The following SRPK1 variants were observed in gnomAD, a reference collection of about 807,000 sequenced individuals.
SRPK1 encodes SFRS protein kinase 1.
Under a neutral mutation model 89.5 loss-of-function variants are expected in SRPK1, and 52 were observed. That is an observed-to-expected ratio of 0.58 (90% CI 0.46 to 0.73). The LOEUF is 0.73. SRPK1 is among the 30% of genes least tolerant of loss of function. The pLI is 0.00. For missense variants in SRPK1, 603 were observed against 780.6 expected (o/e 0.77, Z 2.71); for synonymous variants, 255 against 270.2 (o/e 0.94, Z 0.55).
chr6:35,839,883 T>C (rs560687842), intron 14 of SRPK1, among the ~76,000 whole-genome samples: 1 of 152,178 alleles, frequency 6.6e-6, no homozygotes, highest in South Asian at 2.1e-4. Flanking sequence ...TTTCACATGT[T>C]GGCCAGGCTG....
chr6:35,876,911 G>A (rs1309795453), intron 6 of SRPK1, among the ~76,000 whole-genome samples: 2 of 152,178 alleles, frequency 1.3e-5, no homozygotes, highest in Non-Finnish European at 2.9e-5. Flanking sequence ...AGAGTCTGGA[G>A]AGACCAAGGC....
intron 2 of SRPK1, among the ~76,000 whole-genome samples, chr6:35,896,338 A>C (rs1042978119): frequency 6.6e-6 from 1 of 152,220 alleles, no homozygotes; most frequent in Non-Finnish European, 1.5e-5. Flanking sequence ...TGGTCACAGG[A>C]GTCTGTGTTC....
chr6:35,838,200 T>C, intron 15 of SRPK1, 137 bp downstream of exon 15: 1 of 654,428 alleles, frequency 1.5e-6, no homozygotes, highest in Non-Finnish European at 2.4e-6. Context: ...TTTTTACCTC[T>C]TTTTTATCTC....
At chr6:35,871,015 T>C in intron 8 of SRPK1, 56 bp from the exon 9 acceptor site, 2 of 1,476,170 alleles carry the variant, frequency 1.4e-6, no homozygotes, top group Non-Finnish European at 1.9e-6. Context: ...CAATATAAAC[T>C]AAGGCTCAGA....
intron 12 of SRPK1, among the ~76,000 whole-genome samples, chr6:35,862,825 AAAC>A (rs138109026): frequency 3.5e-4 from 53 of 151,964 alleles, no homozygotes; most frequent in East Asian, 9.6e-4. Context: ...AGATATCTTA[AAAC>A]AACAACAACA....
At chr6:35,875,280 A>AG (rs1258746837) in intron 6 of SRPK1, among the ~76,000 whole-genome samples, 1 of 148,862 alleles carries the variant, frequency 6.7e-6, no homozygotes, top group African/African-American at 2.5e-5. Context: ...TTTGAGACAG[A>AG]GTCTTGGCTC....
At chr6:35,851,868 T>C (rs766125301) in intron 13 of SRPK1, among the ~76,000 whole-genome samples, 1 of 152,196 alleles carries the variant, frequency 6.6e-6, no homozygotes, top group African/African-American at 2.4e-5. Flanking sequence ...TTCTCATTAA[T>C]TGGTATAAGC....
chr6:35,875,483 G>T lies in SRPK1; in HGVS notation c.479-1144C>A, dbSNP rs564853356. ...CCTGCCTTGGCCTCCCAAAGTGCTG[G>T]GATTACAAGCGTGAGCCACTGCGCC... On this transcript the variant is annotated intron_variant, in intron 6 of 15. Transcript: ENST00000373825. 3.9e-5 allele frequency among the ~76,000 whole-genome samples: 6 copies of T among 152,146 alleles called. No individual in the cohort carries two copies. In the South Asian group the frequency reaches 1.2e-3, roughly 32 times the overall value.
intron 13 of SRPK1, among the ~76,000 whole-genome samples, chr6:35,856,394 T>A (rs2151084047): frequency 6.6e-6 from 1 of 152,276 alleles, no homozygotes; most frequent in Admixed American, 6.5e-5. Context: ...AATGCAAACC[T>A]CTTAATTTGT....
At chr6:35,900,368 A>C (rs1378058211) in intron 2 of SRPK1, among the ~76,000 whole-genome samples, 1 of 152,204 alleles carries the variant, frequency 6.6e-6, no homozygotes, top group Non-Finnish European at 1.5e-5. Context: ...GAAAAGAAAC[A>C]AGCAAGTATG....
chr6:35,881,012 T>A (rs779925737), intron 6 of SRPK1, among the ~76,000 whole-genome samples: 2 of 151,970 alleles, frequency 1.3e-5, no homozygotes, highest in Non-Finnish European at 2.9e-5. Flanking sequence ...TCATCAAAAA[T>A]TTTTGGAGGC....
intron 2 of SRPK1, among the ~76,000 whole-genome samples, chr6:35,907,755 T>A (rs1369584212): frequency 6.6e-6 from 1 of 151,968 alleles, no homozygotes; most frequent in Non-Finnish European, 1.5e-5. Context: ...AGTGAACACA[T>A]GAATAACAAG....
rs189404847 is a variant in SRPK1 at position 35,874,076 on chromosome 6, C to T, written c.585+157G>A. On this transcript the variant is annotated intron_variant, in intron 7 of 15. Coordinates refer to ENST00000373825, the MANE Select transcript of SRPK1 (RefSeq NM_003137.5). ...TCTCCTGACCTCGTGATCTGCCCGC[C>T]TCGGCCTCCCAAAGTGCTGGGATTA... 4.1e-4 allele frequency among the ~76,000 whole-genome samples: 63 copies of T among 152,218 alleles called. 1 individual carries two copies. In the East Asian group the frequency reaches 0.012, roughly 28 times the overall value.
At chr6:35,868,038 T>A (rs1769943221) in intron 12 of SRPK1, among the ~76,000 whole-genome samples, 1 of 152,080 alleles carries the variant, frequency 6.6e-6, no homozygotes, top group Non-Finnish European at 1.5e-5. Context: ...AATGGCGTGA[T>A]CTTGGCTCGC....
intron 6 of SRPK1, among the ~76,000 whole-genome samples, chr6:35,874,751 C>T (rs140089491): frequency 3.9e-4 from 60 of 152,148 alleles, no homozygotes; most frequent in African/African-American, 1.4e-3. Flanking sequence ...AGCTTCAAAG[C>T]AAGGAAAAAC....
In SRPK1 at chr6:35,848,096, C is replaced by T. The variant is rs531050261; in HGVS notation, c.1621-5492G>A. Among the ~76,000 whole-genome samples, 639 of 152,246 alleles carry T rather than the reference C, an allele frequency of 4.2e-3. 2 individuals carry two copies. The highest frequency in any genetic ancestry group is 7.2e-3 in the Non-Finnish European group (493 of 68,014). On this transcript the variant is annotated intron_variant, in intron 13 of 15. Transcript: ENST00000373825. ...GACTACAGGTATGAGCCACTGTGCC[C>T]GGCCTTACTATTGTTAAAATGTCCG...
chr6:35,898,529 AT>A lies in SRPK1; in HGVS notation c.75-7517del, dbSNP rs1273504985. Among the ~76,000 whole-genome samples, 13 of 152,226 alleles carry A rather than the reference AT, an allele frequency of 8.5e-5. No homozygotes were observed. The East Asian group carries it at 2.5e-3, about 29-fold the overall frequency. On this transcript the variant is annotated intron_variant, in intron 2 of 15. Coordinates refer to ENST00000373825, the MANE Select transcript of SRPK1 (RefSeq NM_003137.5). ...GTACCCCAAAACTACTGAAATAATTATTTTTTTAAGTTATGTATTACTATAT... is the reference window on the plus strand; with the variant it reads ...GTACCCCAAAACTACTGAAATAATTATTTTTTAAGTTATGTATTACTATAT...
intron 2 of SRPK1, among the ~76,000 whole-genome samples, chr6:35,892,135 T>C (rs988854312): frequency 1.3e-5 from 2 of 152,254 alleles, no homozygotes; most frequent in African/African-American, 4.8e-5. Flanking sequence ...CATGGGCTTT[T>C]GGTATTTAAG....
intron 2 of SRPK1, 187 bp downstream of exon 2, chr6:35,920,265 GCTGCTAAGACCCAGGC>G (rs1771203048): frequency 1.5e-6 from 1 of 650,322 alleles, no homozygotes. Context: ...CAGGCCCGGG[GCTGCTAAGACCCAGGC>G]CTGGCGTTGA....
Sources: gnomAD v4.1 joint callset for allele counts (sites outside exome capture counted in the v4.1 genomes callset) on GRCh38, gnomAD v4.1.1 for gene constraint, MANE v1.5 for transcripts, NCBI Gene and HGNC (gene_info 2026-07-23, HGNC 2026-07-21) for gene names.